NRDE2: variants seen among roughly 807,000 people sequenced by gnomAD.
The protein encoded by NRDE2 is NRDE-2, necessary for RNA interference, domain containing, also known as nuclear exosome regulator NRDE2.
A neutral mutation model predicts 124.2 loss-of-function variants in NRDE2; 76 were observed. That is an observed-to-expected ratio of 0.61 (90% CI 0.51 to 0.74). The LOEUF (loss-of-function observed/expected upper bound fraction) is 0.74. Ranked by LOEUF, NRDE2 falls within the 30% of genes least tolerant of loss-of-function variation. The pLI, the probability that NRDE2 is intolerant of heterozygous loss-of-function variation, is 0.00. For missense variants in NRDE2, 1,314 were observed against 1,417.3 expected, an observed-to-expected ratio of 0.93 and a Z score of 1.17; for synonymous variants, 489 against 528.1, an observed-to-expected ratio of 0.93 and a Z score of 1.01.
rs1491397403 is a variant in NRDE2, at chr14:90,274,838, A to ACACACACACACACACACCCC, written c.*3497_*3498insGGGGTGTGTGTGTGTGTGTG. 1 of 67,186 alleles carries ACACACACACACACACACCCC rather than the reference A, an allele frequency of 1.5e-5. No individual in the cohort carries two copies. The highest frequency in any genetic ancestry group is 3.2e-5 in the Non-Finnish European group (1 of 31,320). The allele number at this position is 67,186 out of a possible 1,614,324, so 4.2% of individuals were successfully genotyped here. A position where few individuals can be genotyped will look rare whatever the true frequency, so the allele number is the denominator to read the frequency against. ...CACACACACACACACACACACACAC[A>ACACACACACACACACACCCC]CCCCAATACATATGAATTGATCTGA... On this transcript the variant is annotated 3_prime_UTR_variant, in exon 14 of 14. Transcript: ENST00000354366.
At chr14:90,303,273 T>G in intron 5 of NRDE2, 148 bp from the exon 6 acceptor site, 2 of 689,918 alleles carry the variant, frequency 2.9e-6, no homozygotes, top group Non-Finnish European at 4.8e-6. Context: ...ACCTGGATCC[T>G]AAAGTGCTTG....
intron 5 of NRDE2, 63 bp from the exon 6 acceptor site, chr14:90,303,188 A>G (rs1442574961): frequency 4.8e-6 from 7 of 1,464,914 alleles, no homozygotes; most frequent in African/African-American, 4.2e-5. Context: ...AGTTTCAACA[A>G]TGCTTACTGA....
In NRDE2 at chr14:90,267,911, G is replaced by A; in HGVS notation, c.*10425C>T. 3.8e-6 allele frequency: 1 copy of A among 263,662 alleles called. No individual in the cohort carries two copies. The highest frequency in any genetic ancestry group is 7.2e-6 in the Non-Finnish European group (1 of 139,106). 16.3% of individuals were successfully genotyped at this position (263,662 alleles called of 1,614,324 possible). ...TGGAATGAAGCAATTCTTCGTACAG[G>A]TAATTATAGTTCGCAGCTTTTCAGG... On this transcript the variant is annotated 3_prime_UTR_variant, in exon 14 of 14. Coordinates refer to ENST00000354366, the MANE Select transcript of NRDE2 (RefSeq NM_017970.4).
chr14:90,270,406 AAG>A lies in NRDE2; in HGVS notation c.*7928_*7929del, dbSNP rs1372929793. ...CTGGGAATGTGGCCGTCAATCAGGA[AAG>A]AGTCTATATGTGCTCTTGGGATGGT... On this transcript the variant is annotated 3_prime_UTR_variant, in exon 14 of 14. Coordinates refer to ENST00000354366, the MANE Select transcript of NRDE2 (RefSeq NM_017970.4). 5.1e-6 allele frequency: 8 copies of A among 1,572,508 alleles called. No individual in the cohort carries two copies. Among genetic ancestry groups the A allele is most frequent in the Non-Finnish European group, 6.9e-6 (8 of 1,160,310 alleles).
At chr14:90,296,785 T>C (rs1438150939) in intron 8 of NRDE2, among the ~76,000 whole-genome samples, 2 of 131,510 alleles carry the variant, frequency 1.5e-5, no homozygotes, top group Non-Finnish European at 3.5e-5. Context: ...TTCCTGAATG[T>C]CTTAGAGTTG....
chr14:90,300,640 T>C (rs1364147212), intron 7 of NRDE2, among the ~76,000 whole-genome samples: 1 of 150,704 alleles, frequency 6.6e-6, no homozygotes. Flanking sequence ...GATTAACCCT[T>C]CCCCAATAAG....
In NRDE2 at chr14:90,290,323, G is replaced by T; in HGVS notation, c.2127C>A (p.Gly709=). Residue 709 remains glycine (G), a synonymous_variant, in exon 10 of 14, where the codon GGC becomes GGA. Transcript: ENST00000354366. The part of the protein sequence containing the change: ...PRWTRGQNRE[G]EEFIRNVFHL... ...GGAAGACATTGCGGATGAACTCCTC[G>T]CCCTCTCGGTTCTGACCCCTGGTCC... 6.2e-7 allele frequency: 1 copy of T among 1,614,048 alleles called. No individual in the cohort carries two copies. Among genetic ancestry groups the T allele is most frequent in the Non-Finnish European group, 8.5e-7 (1 of 1,180,022 alleles).
intron 8 of NRDE2, among the ~76,000 whole-genome samples, chr14:90,294,070 T>A (rs1177217546): frequency 6.6e-6 from 1 of 152,128 alleles, no homozygotes; most frequent in Non-Finnish European, 1.5e-5. Flanking sequence ...GTTGAACAGT[T>A]AAGCTGTGGT....
intron 1 of NRDE2, among the ~76,000 whole-genome samples, chr14:90,325,907 T>C (rs1289118270): frequency 6.6e-6 from 1 of 152,200 alleles, no homozygotes; most frequent in East Asian, 1.9e-4. Flanking sequence ...GTCTTTCCTG[T>C]CCAGGAGTTT....
Position 90,288,110 on chromosome 14 carries a change from C to G in NRDE2, c.3158+107G>C, listed in dbSNP as rs185775273. The G allele has an allele frequency of 7.3e-5, 75 of 1,023,574 alleles. No homozygotes were observed. The East Asian group carries it at 1.7e-3, about 24-fold the overall frequency. The allele number at this position is 1,023,574 out of a possible 1,614,324, so 63.4% of individuals were successfully genotyped here. ...GCCCCACGGCAGGTGTTCTGGGCAC[C>G]GTGCCATGTTCATCCCTGTCTTCCT... On this transcript the variant is annotated intron_variant, in intron 11 of 13. Coordinates refer to ENST00000354366, the MANE Select transcript of NRDE2 (RefSeq NM_017970.4).
chr14:90,307,651 G>A (rs560859377), intron 4 of NRDE2, among the ~76,000 whole-genome samples: 8 of 152,086 alleles, frequency 5.3e-5, no homozygotes, highest in Admixed American at 1.3e-4. Flanking sequence ...CAAGGTGGGC[G>A]GATCACAAGG....
At chr14:90,331,706 G>A (rs1162573100) in intron 1 of NRDE2, 135 bp downstream of exon 1, 13 of 991,912 alleles carry the variant, frequency 1.3e-5, no homozygotes, top group East Asian at 2.4e-5. Flanking sequence ...GCCTTTCCCA[G>A]AAGGCTTTGC....
At chr14:90,290,642 C>T in intron 9 of NRDE2, 35 bp from the exon 10 acceptor site, 1 of 1,566,800 alleles carries the variant, frequency 6.4e-7, no homozygotes, top group African/African-American at 1.4e-5. Context: ...ACCCATGTAA[C>T]AAAACAAAAC....
chr14:90,311,209 T>A (rs1315232880), intron 4 of NRDE2, among the ~76,000 whole-genome samples: 1 of 152,250 alleles, frequency 6.6e-6, no homozygotes, highest in African/African-American at 2.4e-5. Flanking sequence ...GATGATTCTC[T>A]ATCTTCAATT....
At chr14:90,316,505 A>G in intron 3 of NRDE2, 73 bp downstream of exon 3, 1 of 1,016,702 alleles carries the variant, frequency 9.8e-7, no homozygotes, top group Non-Finnish European at 1.5e-6. Flanking sequence ...TCAAATATCT[A>G]ATTTGCGGCA....
chr14:90,289,228 G>GA, intron 10 of NRDE2, 83 bp from the exon 11 acceptor site: 1 of 1,110,854 alleles, frequency 9.0e-7, no homozygotes, highest in Non-Finnish European at 1.3e-6. Flanking sequence ...GCACTGACAG[G>GA]AAAAAAGGCG....
In NRDE2 at chr14:90,277,588, C is replaced by T. The variant is rs1366166699; in HGVS notation, c.*748G>A. 1.3e-5 allele frequency: 2 copies of T among 152,392 alleles called. No homozygotes were observed. The highest frequency in any genetic ancestry group is 4.8e-5 in the African/African-American group (2 of 41,478). 9.4% of individuals were successfully genotyped at this position (152,392 alleles called of 1,614,324 possible). ...CGTTGCTGCACAAGCGTGCCGGGCC[C>T]CTCATGCAGGCAGGGCTGGGGCTGG... On this transcript the variant is annotated 3_prime_UTR_variant, in exon 14 of 14. Coordinates refer to ENST00000354366, the MANE Select transcript of NRDE2 (RefSeq NM_017970.4).
At position 90,302,996 on chromosome 14, in the gene NRDE2, T is replaced by TC; in HGVS notation, c.1134dup (p.Ser379GlufsTer36). 6.2e-7 allele frequency: 1 copy of TC among 1,614,050 alleles called. No individual in the cohort carries two copies. Among genetic ancestry groups the TC allele is most frequent in the Non-Finnish European group, 8.5e-7 (1 of 1,180,040 alleles). On this transcript the variant is annotated frameshift_variant, in exon 6 of 14. Coordinates refer to ENST00000354366, the MANE Select transcript of NRDE2 (RefSeq NM_017970.4). LOFTEE classifies it high-confidence loss of function. ...TTGGCCAGTTTCAGATCCACACTGCTCTGGTTGCTCTCAATGGCCCGCTCC... is the reference window on the plus strand; with the variant it reads ...TTGGCCAGTTTCAGATCCACACTGCTCCTGGTTGCTCTCAATGGCCCGCTCC...
intron 1 of NRDE2, among the ~76,000 whole-genome samples, chr14:90,322,124 C>T (rs1792899867): frequency 1.3e-5 from 2 of 152,188 alleles, no homozygotes; most frequent in Non-Finnish European, 2.9e-5. Context: ...AGTCTCCCTG[C>T]AATTAGTACA....
Sources: allele counts gnomAD v4.1 joint callset (sites outside exome capture counted in the v4.1 genomes callset), GRCh38; gene constraint gnomAD v4.1.1; transcripts MANE v1.5; gene names NCBI Gene and HGNC (gene_info 2026-07-23, HGNC 2026-07-21).